NAALADL2: variants seen among roughly 807,000 people sequenced by gnomAD.
The protein encoded by NAALADL2 is N-acetylated alpha-linked acidic dipeptidase like 2.
In NAALADL2, 76 loss-of-function variants were observed where a neutral mutation model predicts 87.2. The ratio of observed to expected loss-of-function variants is 0.87; its 90% CI spans 0.72 to 1.05. NAALADL2 has a LOEUF of 1.05. Ranked by LOEUF, NAALADL2 falls within the 50% of genes least tolerant of loss-of-function variation. NAALADL2 has a pLI of 0.00. For missense variants in NAALADL2, 1,089 were observed against 945.8 expected, an observed-to-expected ratio of 1.15 and a Z score of -1.99; for synonymous variants, 354 against 331.0, an observed-to-expected ratio of 1.07 and a Z score of -0.75.
chr3:174,547,580 A>T (rs1327016247), intron 1 of NAALADL2, among the ~76,000 whole-genome samples: 1 of 152,048 alleles, frequency 6.6e-6, no homozygotes, highest in African/African-American at 2.4e-5. Flanking sequence ...GAATCCTAAT[A>T]ATAAGGATTC....
At chr3:174,786,463 A>AAAT (rs1560224266) in intron 3 of NAALADL2, among the ~76,000 whole-genome samples, 2 of 140,550 alleles carry the variant, frequency 1.4e-5, no homozygotes, top group African/African-American at 5.6e-5. Flanking sequence ...AAAAAAAAAA[A>AAAT]AAATAATAAA....
chr3:175,305,648 G>A (rs890713255), intron 4 of NAALADL2, among the ~76,000 whole-genome samples: 19 of 151,874 alleles, frequency 1.3e-4, no homozygotes, highest in South Asian at 4.2e-4. Flanking sequence ...TCAGCCTCCC[G>A]AGTAGCTGGG....
At chr3:175,675,883 G>T (rs1734701361) in intron 11 of NAALADL2, 1 of 151,904 alleles carries the variant, frequency 6.6e-6, no homozygotes, top group Admixed American at 6.6e-5. Flanking sequence ...GTCATTATAT[G>T]CATACACAAT....
intron 5 of NAALADL2, among the ~76,000 whole-genome samples, chr3:175,402,781 A>C (rs535011872): frequency 9.2e-4 from 140 of 152,098 alleles, no homozygotes; most frequent in Non-Finnish European, 1.2e-3. Flanking sequence ...CCAGCTCTGA[A>C]AAAATTGGCT....
chr3:174,648,033 C>T (rs2108748498), intron 2 of NAALADL2, among the ~76,000 whole-genome samples: 1 of 152,138 alleles, frequency 6.6e-6, no homozygotes, highest in East Asian at 1.9e-4. Flanking sequence ...TGTGTAAATA[C>T]AATAGTCCCC....
intron 2 of NAALADL2, among the ~76,000 whole-genome samples, chr3:174,592,575 T>C (rs1485503448): frequency 1.3e-5 from 2 of 152,282 alleles, no homozygotes. Context: ...ATCAATTAGA[T>C]ATTTAAAGTA....
chr3:175,255,242 G>A (rs1011280399), intron 3 of NAALADL2, among the ~76,000 whole-genome samples: 2 of 152,198 alleles, frequency 1.3e-5, no homozygotes, highest in Non-Finnish European at 2.9e-5. Flanking sequence ...GATGGCTGAA[G>A]AAATATTTCA....
At chr3:174,668,500 C>A (rs1726193101) in intron 2 of NAALADL2, among the ~76,000 whole-genome samples, 1 of 152,074 alleles carries the variant, frequency 6.6e-6, no homozygotes, top group Non-Finnish European at 1.5e-5. Flanking sequence ...ATACATGTGC[C>A]ATGTTGGTGT....
At chr3:174,642,184 AAATT>A (rs1455104112) in intron 2 of NAALADL2, among the ~76,000 whole-genome samples, 3 of 152,012 alleles carry the variant, frequency 2.0e-5, no homozygotes, top group African/African-American at 7.2e-5. Flanking sequence ...ATTTTCAATA[AAATT>A]AATTATTGTA....
At chr3:175,354,903 CATAT>C (rs1335119559) in intron 5 of NAALADL2, among the ~76,000 whole-genome samples, 1 of 148,626 alleles carries the variant, frequency 6.7e-6, no homozygotes. Flanking sequence ...CACACACACA[CATAT>C]ACACACATAT....
chr3:175,653,526 G>A (rs1479470002), intron 11 of NAALADL2, among the ~76,000 whole-genome samples: 2 of 152,078 alleles, frequency 1.3e-5, no homozygotes, highest in African/African-American at 4.8e-5. Context: ...ATGAGTTTTT[G>A]CGTTTCTCCA....
Position 174,983,463 on chromosome 3 carries a change from G to A in NAALADL2, c.44-113327G>A, listed in dbSNP as rs533049056. On this transcript the variant is annotated intron_variant, in intron 1 of 13. Coordinates refer to ENST00000454872, the MANE Select transcript of NAALADL2 (RefSeq NM_207015.3). ...CAATGGGCTGCTATAACAAAATATCGTCAAGTGAGTACCTTATAAACGATG... is the reference window on the plus strand; with the variant it reads ...CAATGGGCTGCTATAACAAAATATCATCAAGTGAGTACCTTATAAACGATG... Among the ~76,000 whole-genome samples the A allele has an allele frequency of 2.3e-4, 35 of 152,216 alleles. No individual in the cohort carries two copies. The South Asian group carries it at 5.6e-3, about 24-fold the overall frequency.
intron 1 of NAALADL2, among the ~76,000 whole-genome samples, chr3:174,916,712 T>G (rs530366614): frequency 1.3e-5 from 2 of 152,038 alleles, no homozygotes; most frequent in East Asian, 3.9e-4. Flanking sequence ...GGGGACTTGA[T>G]GAGGAGACTG....
rs68181849 is a variant in NAALADL2, at chr3:175,046,012, G to GT, written c.44-50767dup. ...AACCGTTAATATGTCTAGACTTTAT[G>GT]TTTTTTTTTTTAATTTTGGAAATAA... On this transcript the variant is annotated intron_variant, in intron 1 of 13. Coordinates refer to ENST00000454872, the MANE Select transcript of NAALADL2 (RefSeq NM_207015.3). Among the ~76,000 whole-genome samples, 202 of 148,576 alleles carry GT rather than the reference G, an allele frequency of 1.4e-3. 2 individuals carry two copies. Among genetic ancestry groups the GT allele is most frequent in the Admixed American group, 4.8e-3 (72 of 14,932 alleles).
chr3:174,587,513 C>T (rs1716859897), intron 2 of NAALADL2, among the ~76,000 whole-genome samples: 1 of 152,096 alleles, frequency 6.6e-6, no homozygotes, highest in Non-Finnish European at 1.5e-5. Flanking sequence ...GTGGCTGGTA[C>T]CTGTTGTTCC....
At chr3:174,539,153 AACTAAG>A (rs970567671) in intron 1 of NAALADL2, among the ~76,000 whole-genome samples, 30 of 152,334 alleles carry the variant, frequency 2.0e-4, no homozygotes, top group African/African-American at 6.3e-4. Flanking sequence ...AATTGAATAA[AACTAAG>A]ACTAAGTAAA....
At chr3:174,877,436 T>C (rs1560312699) in intron 1 of NAALADL2, among the ~76,000 whole-genome samples, 1 of 152,078 alleles carries the variant, frequency 6.6e-6, no homozygotes, top group Non-Finnish European at 1.5e-5. Flanking sequence ...CAATCTCCAT[T>C]CCATTCTCAA....
intron 3 of NAALADL2, among the ~76,000 whole-genome samples, chr3:174,849,563 C>T (rs766174538): frequency 3.2e-4 from 49 of 151,940 alleles, no homozygotes; most frequent in Admixed American, 2.0e-4. Context: ...AGGGAAACCC[C>T]GTATCTACTA....
intron 1 of NAALADL2, chr3:174,459,537 G>C (rs1308828030): frequency 6.6e-6 from 1 of 152,186 alleles, no homozygotes; most frequent in Non-Finnish European, 1.5e-5. Flanking sequence ...TGCTTATTTG[G>C]AATTCTGGAA....
Sources: allele counts gnomAD v4.1 joint callset (sites outside exome capture counted in the v4.1 genomes callset), GRCh38; gene constraint gnomAD v4.1.1; transcripts MANE v1.5; gene names NCBI Gene and HGNC (gene_info 2026-07-23, HGNC 2026-07-21).